Variants in KLF12 observed in about 807,000 individuals in gnomAD.
KLF12 encodes the protein KLF transcription factor 12, also known as Krueppel-like factor 12.
In KLF12, 9 loss-of-function variants were observed where a neutral mutation model predicts 37.8. That is an observed-to-expected ratio of 0.24 (90% CI 0.14 to 0.42). The LOEUF (loss-of-function observed/expected upper bound fraction) is 0.42, where lower values mean the gene tolerates loss of function less well. Among genes scored for constraint, KLF12 ranks in the 10% least tolerant of loss-of-function variants. The pLI is 1.00. For synonymous variants in KLF12, 208 were observed against 202.1 expected (o/e 1.03, Z -0.25); for missense variants, 411 against 516.0 (o/e 0.80, Z 1.97).
the KLF12 span, among the ~76,000 whole-genome samples, chr13:74,210,195 A>C: frequency 6.6e-6 from 1 of 152,178 alleles, no homozygotes; most frequent in African/African-American, 2.4e-5. Context: ...ATTTTTATCA[A>C]GTCATAGTAA....
At chr13:73,844,712 T>G (rs1432955497) in intron 4 of KLF12, 2 of 152,138 alleles carry the variant, frequency 1.3e-5, no homozygotes, top group African/African-American at 4.8e-5. Flanking sequence ...TCCCACCTCA[T>G]ACAAGAACCA....
intron 6 of KLF12, among the ~76,000 whole-genome samples, chr13:73,753,717 G>A (rs866719142): frequency 2.6e-5 from 4 of 151,262 alleles, no homozygotes; most frequent in Admixed American, 6.6e-5. Context: ...GATCAGGTTT[G>A]TAAGTGACAT....
chr13:73,897,517 G>C (rs7139826), intron 3 of KLF12, among the ~76,000 whole-genome samples: 117,366 of 152,098 alleles, frequency 0.77, 45,442 homozygotes, highest in East Asian at 0.9. Context: ...ACCAAACGAC[G>C]TGGCATTCCA....
chr13:74,135,392 G>A (rs935089655), upstream of KLF12, among the ~76,000 whole-genome samples: 1 of 151,948 alleles, frequency 6.6e-6, no homozygotes, highest in Non-Finnish European at 1.5e-5. Context: ...CGGACGGCCC[G>A]GAGCCGAGTC....
At chr13:73,837,170 G>T (rs1334803920) in intron 4 of KLF12, among the ~76,000 whole-genome samples, 2 of 152,158 alleles carry the variant, frequency 1.3e-5, no homozygotes, top group African/African-American at 4.8e-5. Context: ...ACTATTTAAT[G>T]CAGGGAGGTG....
At chr13:74,068,415 A>C (rs1566196711) in intron 1 of KLF12, among the ~76,000 whole-genome samples, 1 of 152,194 alleles carries the variant, frequency 6.6e-6, no homozygotes, top group Non-Finnish European at 1.5e-5. Context: ...ATAATGGACA[A>C]TCCATCATGG....
At position 73,934,958 on chromosome 13, in the gene KLF12, T is replaced by G. The variant is rs1371788619; in HGVS notation, c.123+9023A>C. Among the ~76,000 whole-genome samples the G allele has an allele frequency of 1.4e-3, 84 of 61,904 alleles. 1 individual carries two copies. The highest frequency in any genetic ancestry group is 2.9e-3 in the African/African-American group (72 of 25,142). The allele number at this position is 61,904 out of a possible 152,430, so 40.6% of individuals were successfully genotyped here. On this transcript the variant is annotated intron_variant, in intron 3 of 7. Transcript: ENST00000377669. Reference sequence around the variant, plus strand: ...ATTTTGGATAGGTTTTTATTATTTATTTATTTATTTATTTATTTATTTATT... The same window carrying G: ...ATTTTGGATAGGTTTTTATTATTTAGTTATTTATTTATTTATTTATTTATT...
chr13:74,034,706 G>A (rs1231315036), intron 1 of KLF12, among the ~76,000 whole-genome samples: 1 of 152,160 alleles, frequency 6.6e-6, no homozygotes, highest in African/African-American at 2.4e-5. Context: ...ATGAAGCAAA[G>A]TATTAGGGAG....
chr13:74,016,353 C>A lies in KLF12; in HGVS notation c.-31-21300G>T, dbSNP rs966249304. On this transcript the variant is annotated intron_variant, in intron 1 of 7. Coordinates refer to ENST00000377669, the MANE Select transcript of KLF12 (RefSeq NM_007249.5). ...AAACAATACGGAGTATCTGGAATTC[C>A]AGATTTGGTTTGTTTGTTTTTTAAG... Among the ~76,000 whole-genome samples the A allele has an allele frequency of 4.6e-5, 7 of 151,950 alleles. No individual in the cohort carries two copies. The Middle Eastern group carries it at 0.01, about 222-fold the overall frequency.
chr13:74,088,767 T>G (rs1057397766), intron 1 of KLF12, among the ~76,000 whole-genome samples: 3 of 152,228 alleles, frequency 2.0e-5, no homozygotes, highest in Non-Finnish European at 4.4e-5. Flanking sequence ...AATGGTCATA[T>G]TAACTCTACA....
At chr13:73,880,582 G>A (rs1401701140) in intron 3 of KLF12, among the ~76,000 whole-genome samples, 1 of 152,100 alleles carries the variant, frequency 6.6e-6, no homozygotes, top group African/African-American at 2.4e-5. Context: ...TCAACCATTC[G>A]CTTCCTAATT....
In KLF12 at chr13:73,713,086, T is replaced by C. The variant is rs146676999; in HGVS notation, c.1027+2282A>G. Among the ~76,000 whole-genome samples the C allele has an allele frequency of 3.2e-4, 49 of 152,224 alleles. 5 individuals are homozygous for C. The highest frequency in any genetic ancestry group is 1.7e-3 in the Admixed American group (26 of 15,284). ...AAACTTAAAAAGACACAGTGATCAG[T>C]TGGAGTGTATCTACAAAGACACGGC... On this transcript the variant is annotated intron_variant, in intron 7 of 7. Transcript: ENST00000377669.
intron 1 of KLF12, among the ~76,000 whole-genome samples, chr13:74,035,115 T>C (rs913033979): frequency 1.3e-5 from 2 of 152,170 alleles, no homozygotes; most frequent in African/African-American, 4.8e-5. Flanking sequence ...TTTGCGGTTA[T>C]TGGTTCTAGG....
the KLF12 span, among the ~76,000 whole-genome samples, chr13:74,276,660 A>G: frequency 6.6e-6 from 1 of 152,198 alleles, no homozygotes; most frequent in African/African-American, 2.4e-5. Flanking sequence ...AAGCCTTCCT[A>G]CAAATGACTT....
At chr13:74,274,137 T>C in the KLF12 span, among the ~76,000 whole-genome samples, 1 of 152,160 alleles carries the variant, frequency 6.6e-6, no homozygotes, top group Non-Finnish European at 1.5e-5. Flanking sequence ...TCAATACCAA[T>C]GTTTACAAAT....
intron 1 of KLF12, among the ~76,000 whole-genome samples, chr13:74,129,276 T>A (rs865925395): frequency 3.6e-4 from 55 of 152,372 alleles, no homozygotes; most frequent in African/African-American, 1.2e-3. Context: ...ATTGTTGTAT[T>A]TTTTTCTTGA....
At chr13:73,780,470 G>GT (rs1880892925) in intron 5 of KLF12, among the ~76,000 whole-genome samples, 1 of 74,954 alleles carries the variant, frequency 1.3e-5, no homozygotes. Context: ...CCCAAGGAAT[G>GT]GTTTTTTTTT....
chr13:73,697,968 CA>C (rs931276660), intron 7 of KLF12, among the ~76,000 whole-genome samples: 3 of 152,038 alleles, frequency 2.0e-5, no homozygotes, highest in Non-Finnish European at 4.4e-5. Flanking sequence ...GCCTGGGCAA[CA>C]AAGTGACATT....
chr13:74,160,351 T>G, the KLF12 span, among the ~76,000 whole-genome samples: 1 of 152,236 alleles, frequency 6.6e-6, no homozygotes, highest in Admixed American at 6.5e-5. Flanking sequence ...GTCTGTTTTA[T>G]TCATCTTATT....
Sources: gnomAD v4.1 joint callset for allele counts (sites outside exome capture counted in the v4.1 genomes callset) on GRCh38, gnomAD v4.1.1 for gene constraint, MANE v1.5 for transcripts, NCBI Gene and HGNC (gene_info 2026-07-23, HGNC 2026-07-21) for gene names.